CAMKK2: variants seen among roughly 807,000 people sequenced by gnomAD.
The protein encoded by CAMKK2 is calcium/calmodulin-dependent protein kinase kinase 2.
Under a neutral mutation model 67.2 loss-of-function variants are expected in CAMKK2, and 30 were observed. The ratio of observed to expected loss-of-function variants is 0.45; its 90% confidence interval spans 0.33 to 0.61. CAMKK2 has a LOEUF of 0.61. CAMKK2 is among the 20% of genes least tolerant of loss of function. The probability of loss-of-function intolerance (pLI) is 0.02; values close to 1 mark genes in which losing one functional copy is unlikely to be tolerated. For synonymous variants in CAMKK2, 322 were observed against 326.2 expected, an observed-to-expected ratio of 0.99 and a Z score of 0.14; for missense variants, 643 against 802.0, an observed-to-expected ratio of 0.80 and a Z score of 2.39.
rs142749471 is a variant in CAMKK2 at position 121,239,863 on chromosome 12, C to T, written c.*836G>A. On this transcript the variant is annotated 3_prime_UTR_variant, in exon 17 of 17. Coordinates refer to ENST00000404169, the MANE Select transcript of CAMKK2 (RefSeq NM_001270485.2). ...AAAAATGTTTTTGTTTAATCTTAAG[C>T]CATGTAATGTACATGGAAGCATAGG... The T allele has an allele frequency of 8.6e-3, 1,312 of 153,362 alleles. 9 individuals carry two copies. Among genetic ancestry groups the T allele is most frequent in the Non-Finnish European group, 0.014 (974 of 68,770 alleles). 9.5% of individuals were successfully genotyped at this position (153,362 alleles called of 1,614,324 possible).
chr12:121,248,956 C>A (rs951124217), intron 13 of CAMKK2, among the ~76,000 whole-genome samples: 2 of 152,322 alleles, frequency 1.3e-5, no homozygotes, highest in East Asian at 3.9e-4. Flanking sequence ...GGAAGTGGGG[C>A]GATTCTCCAT....
chr12:121,268,563 T>C, intron 5 of CAMKK2, 75 bp downstream of exon 5: 2 of 1,345,350 alleles, frequency 1.5e-6, no homozygotes, highest in Non-Finnish European at 2.1e-6. Context: ...CCCAGTGCAA[T>C]GGTTCCCATT....
At chr12:121,267,401 C>G (rs1894842441) in intron 5 of CAMKK2, among the ~76,000 whole-genome samples, 1 of 151,780 alleles carries the variant, frequency 6.6e-6, no homozygotes, top group African/African-American at 2.4e-5. Flanking sequence ...CATGAGCCAC[C>G]GTGCCCTGCT....
rs1333566471 is a variant in CAMKK2 at position 121,239,181 on chromosome 12, T to C, written c.*1518A>G. ...AGTCCTCACACCACAGCTGATCAGA[T>C]GGAAACAATGGGGAAGCAGAGTTTC... On this transcript the variant is annotated 3_prime_UTR_variant, in exon 17 of 17. Coordinates refer to ENST00000404169, the MANE Select transcript of CAMKK2 (RefSeq NM_001270485.2). The C allele has an allele frequency of 1.3e-5, 2 of 152,214 alleles. No homozygotes were observed. The highest frequency in any genetic ancestry group is 4.8e-5 in the African/African-American group (2 of 41,428). The allele number at this position is 152,214 out of a possible 1,614,324, so 9.4% of individuals were successfully genotyped here. A position where few individuals can be genotyped will look rare whatever the true frequency, so the allele number is the denominator to read the frequency against.
At chr12:121,264,764 A>G (rs1046069446) in intron 5 of CAMKK2, among the ~76,000 whole-genome samples, 2 of 141,504 alleles carry the variant, frequency 1.4e-5, no homozygotes, top group African/African-American at 5.5e-5. Flanking sequence ...ACACAGCAAG[A>G]CTCAGTCTCA....
chr12:121,247,148 T>C (rs1351328227), intron 14 of CAMKK2, among the ~76,000 whole-genome samples: 1 of 151,970 alleles, frequency 6.6e-6, no homozygotes, highest in Non-Finnish European at 1.5e-5. Context: ...CTCGGCGGAG[T>C]TAACACCCTA....
rs1437032452 is a variant in CAMKK2 at position 121,296,374 on chromosome 12, G to GGC, written c.-60+262_-60+263dup. On this transcript the variant is annotated intron_variant, in intron 1 of 16. Coordinates refer to ENST00000404169, the MANE Select transcript of CAMKK2 (RefSeq NM_001270485.2). This position sits in a 1 kb window ranked among gnomAD's most constrained non-coding sequence, Gnocchi z 7.1. ...AGGACCGCCCCTGCCACCCGGACAG[G>GGC]GCGCGGCCCAGCCGAGGAGGCCATC... Among the ~76,000 whole-genome samples, 3 of 152,194 alleles carry GGC rather than the reference G, an allele frequency of 2.0e-5. No individual in the cohort carries two copies. Among genetic ancestry groups the GGC allele is most frequent in the Admixed American group, 2.0e-4 (3 of 15,284 alleles).
At chr12:121,278,949 T>G (rs1897265171) in intron 1 of CAMKK2, among the ~76,000 whole-genome samples, 1 of 152,174 alleles carries the variant, frequency 6.6e-6, no homozygotes, top group African/African-American at 2.4e-5. Context: ...GGGCAGGCAG[T>G]CAGTCTCTCC....
intron 11 of CAMKK2, among the ~76,000 whole-genome samples, chr12:121,252,340 C>T (rs1890903229): frequency 6.6e-6 from 1 of 152,240 alleles, no homozygotes; most frequent in African/African-American, 2.4e-5. Flanking sequence ...GCAATCTCAG[C>T]TCACTGCAAG....
Position 121,248,933 on chromosome 12 carries a change from A to C in CAMKK2, c.1324-199T>G, listed in dbSNP as rs563187512. Among the ~76,000 whole-genome samples, 289 of 152,350 alleles carry C rather than the reference A, an allele frequency of 1.9e-3. 1 individual carries two copies. Among genetic ancestry groups the C allele is most frequent in the Non-Finnish European group, 3.5e-3 (235 of 68,026 alleles). The stretch of plus-strand genomic sequence containing the variant: ...ACGGAGAGACAGGACGGGAGGAGCT[A>C]CAAGGCTGAAATGGAAGTGGGGCGA... On this transcript the variant is annotated intron_variant, in intron 13 of 16. Coordinates refer to ENST00000404169, the MANE Select transcript of CAMKK2 (RefSeq NM_001270485.2).
intron 7 of CAMKK2, 100 bp from the exon 8 acceptor site, chr12:121,255,904 G>T: frequency 9.1e-7 from 1 of 1,097,856 alleles, no homozygotes; most frequent in Non-Finnish European, 1.4e-6. Context: ...CACCAAGAAA[G>T]ACAGAAACTA....
In CAMKK2 at chr12:121,240,746, C is replaced by CG. The variant is rs1416023358; in HGVS notation, c.1719dup (p.Ala574ArgfsTer40). 3.7e-6 allele frequency: 6 copies of CG among 1,608,160 alleles called. No individual in the cohort carries two copies. Among genetic ancestry groups the CG allele is most frequent in the East Asian group, 4.5e-5 (2 of 44,856 alleles). On this transcript the variant is annotated frameshift_variant, in exon 17 of 17. Coordinates refer to ENST00000404169, the MANE Select transcript of CAMKK2 (RefSeq NM_001270485.2). LOFTEE classifies it high-confidence loss of function. This position sits in a 1 kb window ranked among gnomAD's most constrained non-coding sequence, Gnocchi z 4.4. ...TCCGGCCGCAGTGGATGCATGCGTG[C>CG]GGGGGAGCCGGGGGCGGGGGCCCAG...
rs376364469 is a variant in CAMKK2, at chr12:121,270,888, G to C, written c.519+10C>G. 37 of 1,610,252 alleles carry C rather than the reference G, an allele frequency of 2.3e-5. No homozygotes were observed. In the African/African-American group the frequency reaches 4.5e-4, roughly 20 times the overall value. ...ATGCAGAAAGCCAGCCTAGCCCCAG[G>C]GATATTTACCTTTCCAATTTCATCC... On this transcript the variant is annotated intron_variant, in intron 3 of 16. Transcript: ENST00000404169.
chr12:121,294,633 C>A (rs1032355532), intron 1 of CAMKK2, among the ~76,000 whole-genome samples: 9 of 152,210 alleles, frequency 5.9e-5, no homozygotes, highest in African/African-American at 2.2e-4. Context: ...GACATGCCTG[C>A]ACTGGCTGTG....
At chr12:121,250,150 C>A (rs1481202800) in intron 11 of CAMKK2, 116 bp from the exon 12 acceptor site, 13 of 825,948 alleles carry the variant, frequency 1.6e-5, no homozygotes, top group Non-Finnish European at 2.4e-5. Context: ...CAATTGCGGC[C>A]CAGGCTAGGG....
At chr12:121,264,274 C>G (rs1894063582) in intron 5 of CAMKK2, among the ~76,000 whole-genome samples, 1 of 152,254 alleles carries the variant, frequency 6.6e-6, no homozygotes, top group Admixed American at 6.5e-5. Flanking sequence ...ATCACTTCCC[C>G]TCTCTGGGCT....
chr12:121,244,428 T>C, intron 16 of CAMKK2, 145 bp downstream of exon 16: 2 of 777,664 alleles, frequency 2.6e-6, no homozygotes, highest in Non-Finnish European at 4.1e-6. Flanking sequence ...TAATACTGGG[T>C]CTGGAGGCCC....
chr12:121,269,177 G>A (rs1041312684), intron 4 of CAMKK2, among the ~76,000 whole-genome samples: 4 of 152,250 alleles, frequency 2.6e-5, no homozygotes, highest in South Asian at 4.1e-4. Context: ...GTTGGCACAC[G>A]ATAGATTCAG....
At chr12:121,288,346 T>C (rs1472974061) in intron 1 of CAMKK2, among the ~76,000 whole-genome samples, 3 of 152,112 alleles carry the variant, frequency 2.0e-5, no homozygotes, top group Non-Finnish European at 4.4e-5. Context: ...TCCCCACCTT[T>C]TGGACATCAT....
Sources: allele counts gnomAD v4.1 joint callset (sites outside exome capture counted in the v4.1 genomes callset), GRCh38; gene constraint gnomAD v4.1.1; non-coding constraint Gnocchi (gnomAD v3.1); transcripts MANE v1.5; gene names NCBI Gene and HGNC (gene_info 2026-07-23, HGNC 2026-07-21).